The following CHD1L variants were observed in gnomAD, a reference collection of about 807,000 sequenced individuals.
CHD1L encodes chromodomain helicase DNA binding protein 1 like.
A neutral mutation model predicts 115.9 loss-of-function variants in CHD1L; 118 were observed. The ratio of observed to expected loss-of-function variants is 1.02; its 90% CI spans 0.88 to 1.19. The LOEUF (loss-of-function observed/expected upper bound fraction) is 1.19. CHD1L is among the 50% of genes most tolerant of loss of function. CHD1L has a pLI of 0.00. For synonymous variants in CHD1L, 411 were observed against 387.1 expected, an observed-to-expected ratio of 1.06 and a Z score of -0.72; for missense variants, 1,179 against 1,065.3, an observed-to-expected ratio of 1.11 and a Z score of -1.49.
the CHD1L span, chr1:147,178,219 G>A: frequency 6.2e-7 from 1 of 1,613,584 alleles, no homozygotes. Flanking sequence ...CGACAACTTG[G>A]AGAGTCGCAT....
At chr1:147,222,587 A>T in the CHD1L span, among the ~76,000 whole-genome samples, 1 of 152,204 alleles carries the variant, frequency 6.6e-6, no homozygotes, top group African/African-American at 2.4e-5. Flanking sequence ...GCTTTAAAAA[A>T]TGGAGATAGT....
intron 9 of CHD1L, among the ~76,000 whole-genome samples, chr1:147,268,190 G>A (rs901618294): frequency 3.9e-5 from 6 of 152,148 alleles, no homozygotes; most frequent in Middle Eastern, 3.4e-3. Flanking sequence ...CCTGGGCACC[G>A]CTTTAGCTGC....
intron 16 of CHD1L, among the ~76,000 whole-genome samples, 199 bp downstream of exon 16, chr1:147,284,698 A>G (rs1553964199): frequency 2.0e-5 from 3 of 152,192 alleles, no homozygotes; most frequent in African/African-American, 7.2e-5. Flanking sequence ...AACATAAAGG[A>G]GAGAATATAT....
rs587766046 is a variant in CHD1L, at chr1:147,294,420, C to T, written c.2518C>T (p.Leu840Phe). ...TCTCTTCATAATAGCAAGTGTTCAT[C>T]TTCCACGTATTGGACATGCCACGAA... ...AAKKKKASVHLPRIGHATKGF... is the reference protein window; with the variant it reads ...AAKKKKASVHFPRIGHATKGF... Residue 840 changes from leucine to phenylalanine, a missense_variant, in exon 22 of 23, where the codon CTT becomes TTT. Leu to Phe is a conservative substitution (Grantham distance 22, BLOSUM62 0). Coordinates refer to ENST00000369258, the MANE Select transcript of CHD1L (RefSeq NM_004284.6). The T allele has an allele frequency of 2.5e-5, 40 of 1,610,600 alleles. 1 individual carries two copies. Among genetic ancestry groups the T allele is most frequent in the Middle Eastern group, 1.7e-4 (1 of 6,054 alleles).
At chr1:147,230,803 G>A in the CHD1L span, among the ~76,000 whole-genome samples, 243 of 151,418 alleles carry the variant, frequency 1.6e-3, 1 homozygote, top group African/African-American at 5.6e-3. Flanking sequence ...GTGTAGAGGT[G>A]TTTATAGTAT....
At chr1:147,218,080 T>C in the CHD1L span, among the ~76,000 whole-genome samples, 1 of 152,214 alleles carries the variant, frequency 6.6e-6, no homozygotes, top group African/African-American at 2.4e-5. Context: ...ATAAGATATA[T>C]GTATCTCCCA....
chr1:147,250,639 T>C (rs1373223968), intron 1 of CHD1L, among the ~76,000 whole-genome samples: 12 of 152,212 alleles, frequency 7.9e-5, no homozygotes, highest in African/African-American at 2.7e-4. Flanking sequence ...GCTGGGGTGC[T>C]GGGGCACTCG....
the CHD1L span, among the ~76,000 whole-genome samples, chr1:147,230,544 C>T: frequency 1.1e-5 from 1 of 91,748 alleles, no homozygotes; most frequent in Non-Finnish European, 1.9e-5. Context: ...AGGGAGGATT[C>T]CTTCTGTTTC....
intron 17 of CHD1L, among the ~76,000 whole-genome samples, 175 bp from the exon 18 acceptor site, chr1:147,286,123 C>T (rs587606001): frequency 9.2e-5 from 14 of 152,276 alleles, no homozygotes; most frequent in African/African-American, 3.4e-4. Flanking sequence ...AGTCAGGAAG[C>T]AGTTAGCCTA....
At chr1:147,269,499 T>C (rs1553951231) in intron 10 of CHD1L, among the ~76,000 whole-genome samples, 1 of 151,600 alleles carries the variant, frequency 6.6e-6, no homozygotes, top group Non-Finnish European at 1.5e-5. Context: ...TGAAACCCTG[T>C]CTCTACTAAA....
At chr1:147,212,542 G>C in the CHD1L span, 2 of 1,609,258 alleles carry the variant, frequency 1.2e-6, no homozygotes, top group Non-Finnish European at 1.7e-6. Context: ...ATTCCTGCAA[G>C]AGAAGGGAAA....
intron 4 of CHD1L, 77 bp from the exon 5 acceptor site, chr1:147,256,454 A>C (rs1280737146): frequency 2.4e-6 from 3 of 1,262,062 alleles, no homozygotes; most frequent in Middle Eastern, 3.8e-4. Flanking sequence ...AGTTTAAGAG[A>C]GTTCACAGAA....
the CHD1L span, chr1:147,190,066 T>C: frequency 1.5e-6 from 1 of 680,120 alleles, no homozygotes; most frequent in African/African-American, 1.8e-5. Flanking sequence ...TTCTTCATAA[T>C]AGAATCTAAA....
chr1:147,275,358 A>T lies in CHD1L; in HGVS notation c.1275A>T (p.Gly425=), dbSNP rs782520929. ...FVFLLSTRAG[G]VGMNLTAADT... ...TCCTTTTTGCATTGTTTTCAGGTGG[A>T]GTTGGCATGAACTTAACAGCAGCAG... The change falls in exon 13 of 23, where the codon GGA becomes GGT. Residue 425 remains glycine (G), a synonymous_variant. Coordinates refer to ENST00000369258, the MANE Select transcript of CHD1L (RefSeq NM_004284.6). The T allele has an allele frequency of 1.4e-5, 23 of 1,611,568 alleles. No homozygotes were observed. The highest frequency in any genetic ancestry group is 2.0e-5 in the Non-Finnish European group (23 of 1,177,834).
the CHD1L span, among the ~76,000 whole-genome samples, chr1:147,199,782 A>T: frequency 1.3e-5 from 2 of 152,184 alleles, no homozygotes; most frequent in African/African-American, 4.8e-5. Context: ...AAGTAATAGA[A>T]ATTTGGGGAA....
Position 147,252,642 on chromosome 1 carries a change from C to A in CHD1L, c.147C>A (p.Tyr49Ter), listed in dbSNP as rs782200038. ...TTCTAGGGATTCACCTACGCTCTTACCAGCTGGAGGGAGTAAACTGGCTCG... is the reference window on the plus strand; with the variant it reads ...TTCTAGGGATTCACCTACGCTCTTAACAGCTGGAGGGAGTAAACTGGCTCG... The part of the protein sequence containing the change: ...WGLTGIHLRS[Y>*]QLEGVNWLAQ... Residue 49 changes from tyrosine to a stop codon, truncating the protein, a stop_gained, in exon 2 of 23, where the codon TAC (tyrosine) becomes TAA (stop). Coordinates refer to ENST00000369258, the MANE Select transcript of CHD1L (RefSeq NM_004284.6). LOFTEE classifies it high-confidence loss of function. 6.2e-6 allele frequency: 10 copies of A among 1,613,998 alleles called. No individual in the cohort carries two copies. The highest frequency in any genetic ancestry group is 6.8e-6 in the Non-Finnish European group (8 of 1,179,980).
rs1463310866 is a variant in CHD1L at position 147,252,874 on chromosome 1, A to G, written c.240+139A>G. 8 of 677,958 alleles carry G rather than the reference A, an allele frequency of 1.2e-5. No individual in the cohort carries two copies. In the African/African-American group the frequency reaches 1.3e-4, roughly 11 times the overall value. The allele number at this position is 677,958 out of a possible 1,614,324, so 42.0% of individuals were successfully genotyped here. ...GGGATCCAGGCTAACTGGCTCTTGC[A>G]CCGGGAAAGGGCCTTCCCTGTACAG... is the stretch of plus-strand genomic sequence containing the variant. On this transcript the variant is annotated intron_variant, in intron 2 of 22. Transcript: ENST00000369258.
intron 6 of CHD1L, among the ~76,000 whole-genome samples, chr1:147,262,597 T>C (rs1310088580): frequency 6.6e-6 from 1 of 152,158 alleles, no homozygotes; most frequent in East Asian, 1.9e-4. Flanking sequence ...TGTGAACTGA[T>C]GATTGGAAAC....
Position 147,242,741 on chromosome 1 carries a change from C to G in CHD1L, c.38C>G (p.Ala13Gly). ...RAGATSRGGQ[A>G]PGFLLRLHTE... The stretch of plus-strand genomic sequence containing the variant: ...GGCGCTACTAGCCGCGGGGGCCAAG[C>G]CCCTGGCTTCTTACTGCGGCTTCAT... The change falls in exon 1 of 23, where the codon GCC (alanine) becomes GGC (glycine). Residue 13 changes from alanine to glycine, a missense_variant. Physicochemically the swap from Ala to Gly is moderately conservative, Grantham distance 60. Transcript: ENST00000369258. The G allele has an allele frequency of 7.9e-7, 1 of 1,262,422 alleles. No individual in the cohort carries two copies. The highest frequency in any genetic ancestry group is 1.0e-6 in the Non-Finnish European group (1 of 997,732). 78.2% of individuals were successfully genotyped at this position (1,262,422 alleles called of 1,614,324 possible). A position where few individuals can be genotyped will look rare whatever the true frequency, so the allele number is the denominator to read the frequency against.
Sources: allele counts gnomAD v4.1 joint callset (sites outside exome capture counted in the v4.1 genomes callset), GRCh38; gene constraint gnomAD v4.1.1; transcripts MANE v1.5; gene names NCBI Gene and HGNC (gene_info 2026-07-23, HGNC 2026-07-21).